Variants in CHST8 observed in about 807,000 individuals in gnomAD.
The protein encoded by CHST8 is GALNAC-4-ST1.
In CHST8, 10 loss-of-function variants were observed where a neutral mutation model predicts 15.0. The observed-to-expected ratio is 0.67, with a 90% confidence interval of 0.41 to 1.13. The LOEUF (loss-of-function observed/expected upper bound fraction) is 1.13, where lower values mean the gene tolerates loss of function less well. Ranked by LOEUF, CHST8 falls within the 50% of genes most tolerant of loss-of-function variation. The pLI is 0.00. For missense variants in CHST8, 634 were observed against 608.2 expected (o/e 1.04, Z -0.45); for synonymous variants, 259 against 256.6 (o/e 1.01, Z -0.09).
At position 33,771,438 on chromosome 19, in the gene CHST8, G is replaced by A. The variant is rs1224366068; in HGVS notation, c.156G>A (p.Arg52=). The A allele has an allele frequency of 6.2e-7, 1 of 1,614,120 alleles. No homozygotes were observed. Among genetic ancestry groups the A allele is most frequent in the Non-Finnish European group, 8.5e-7 (1 of 1,180,014 alleles). ...VPGIKFNIRP[R]QPHHDLPPGG... ...GAATAAAGTTCAACATCAGGCCAAG[G>A]CAGCCCCACCACGTAAGTTCTGAGA... Residue 52 remains arginine, a synonymous_variant, in exon 4 of 5, where the codon AGG becomes AGA. Coordinates refer to ENST00000650847, the MANE Select transcript of CHST8 (RefSeq NM_001127895.2).
At position 33,689,229 on chromosome 19, in the gene CHST8, A is replaced by T. The variant is rs1223125805; in HGVS notation, c.-33A>T. On this transcript the variant is annotated 5_prime_UTR_variant, in exon 3 of 5. Transcript: ENST00000650847. Reference sequence around the variant, plus strand: ...ACGATGAGGGAAGAACGTGCCCCCCACACCCAAGAGGTGACCCCTGAGCCA... The same window carrying T: ...ACGATGAGGGAAGAACGTGCCCCCCTCACCCAAGAGGTGACCCCTGAGCCA... The T allele has an allele frequency of 1.3e-6, 2 of 1,513,354 alleles. No individual in the cohort carries two copies. Among genetic ancestry groups the T allele is most frequent in the East Asian group, 2.5e-5 (1 of 40,698 alleles). 93.7% of individuals were successfully genotyped at this position (1,513,354 alleles called of 1,614,324 possible). A position where few individuals can be genotyped will look rare whatever the true frequency, so the allele number is the denominator to read the frequency against.
Position 33,772,033 on chromosome 19 carries a change from G to C in CHST8, c.245G>C (p.Gly82Ala). ...TERVTRDLSS[G>A]APRGRNLPAP... ...AGGGTCACTCGGGACTTATCCAGTG[G>C]GGCCCCGAGGGGCCGCAACCTGCCA... is the stretch of plus-strand genomic sequence containing the variant. The change falls in exon 5 of 5, where the codon GGG becomes GCG. Residue 82 changes from glycine (G) to alanine (A), a missense_variant. Coordinates refer to ENST00000650847, the MANE Select transcript of CHST8 (RefSeq NM_001127895.2). 6.2e-7 allele frequency: 1 copy of C among 1,611,796 alleles called. No individual in the cohort carries two copies. The highest frequency in any genetic ancestry group is 8.5e-7 in the Non-Finnish European group (1 of 1,179,542).
Position 33,772,832 on chromosome 19 carries a change from C to G in CHST8, c.1044C>G (p.Phe348Leu), listed in dbSNP as rs1296287913. ...CLIDYDFVGK[F>L]ESMEDDANFF... The stretch of plus-strand genomic sequence containing the variant: ...TCGACTACGATTTCGTAGGCAAGTT[C>G]GAGAGCATGGAGGACGATGCCAACT... The change falls in exon 5 of 5, where the codon TTC (phenylalanine) becomes TTG (leucine). Residue 348 changes from phenylalanine (F) to leucine (L), a missense_variant. By Grantham distance (22) the Phe-to-Leu change is conservative (BLOSUM62 0). Coordinates refer to ENST00000650847, the MANE Select transcript of CHST8 (RefSeq NM_001127895.2). The G allele has an allele frequency of 3.1e-6, 5 of 1,613,556 alleles. No homozygotes were observed. Among genetic ancestry groups the G allele is most frequent in the Non-Finnish European group, 4.2e-6 (5 of 1,180,028 alleles).
At chr19:33,664,230 T>C (rs1972622865) in intron 1 of CHST8, among the ~76,000 whole-genome samples, 2 of 152,292 alleles carry the variant, frequency 1.3e-5, no homozygotes, top group Admixed American at 6.5e-5. Flanking sequence ...GATTTAGAAC[T>C]GGGAATCTAT....
chr19:33,702,765 G>A (rs765411491), intron 3 of CHST8, among the ~76,000 whole-genome samples: 6 of 152,248 alleles, frequency 3.9e-5, no homozygotes, highest in Non-Finnish European at 8.8e-5. Context: ...CAGGTCTCAG[G>A]TGTGGAGTGA....
rs572347621 is a variant in CHST8, at chr19:33,764,359, G to A, written c.131-7054G>A. On this transcript the variant is annotated intron_variant, in intron 3 of 4. Coordinates refer to ENST00000650847, the MANE Select transcript of CHST8 (RefSeq NM_001127895.2). ...CCCTGTCTTCAGAACATCCAGCTGG[G>A]CGTGGTGGCTCATGGCTGTAATCCC... Among the ~76,000 whole-genome samples, 7 of 152,240 alleles carry A rather than the reference G, an allele frequency of 4.6e-5. No homozygotes were observed. In the South Asian group the frequency reaches 1.5e-3, roughly 32 times the overall value.
chr19:33,726,569 T>A (rs1973904278), intron 3 of CHST8, among the ~76,000 whole-genome samples: 1 of 152,006 alleles, frequency 6.6e-6, no homozygotes, highest in African/African-American at 2.4e-5. Context: ...AGTGTGAGCA[T>A]CAGCTGGGAG....
At chr19:33,737,972 GA>G (rs951961929) in intron 3 of CHST8, among the ~76,000 whole-genome samples, 11 of 147,306 alleles carry the variant, frequency 7.5e-5, no homozygotes, top group Middle Eastern at 3.4e-3. Flanking sequence ...AAGACCAAAA[GA>G]AAAAAAAAAC....
At chr19:33,771,511 TG>T (rs1555726093) in intron 4 of CHST8, 61 bp downstream of exon 4, 7 of 1,543,152 alleles carry the variant, frequency 4.5e-6, no homozygotes, top group Admixed American at 3.3e-5. Context: ...TGGGGAGGGC[TG>T]GGAAGAAAAT....
In CHST8 at chr19:33,689,168, C is replaced by T; in HGVS notation, c.-86-8C>T. ...CTCGGTGATGACTATCCCTCCTCTG[C>T]CCCGTAGATCTCGGCCTGATGGACG... is the stretch of plus-strand genomic sequence containing the variant. On this transcript the variant is annotated splice_polypyrimidine_tract_variant and splice_region_variant and intron_variant, in intron 2 of 4. Transcript: ENST00000650847. The T allele has an allele frequency of 4.2e-6, 6 of 1,420,910 alleles. No individual in the cohort carries two copies. Among genetic ancestry groups the T allele is most frequent in the Non-Finnish European group, 5.6e-6 (6 of 1,078,560 alleles). The allele number at this position is 1,420,910 out of a possible 1,614,324, so 88.0% of individuals were successfully genotyped here.
intron 1 of CHST8, among the ~76,000 whole-genome samples, chr19:33,646,029 G>A (rs547563629): frequency 6.6e-6 from 1 of 152,306 alleles, no homozygotes; most frequent in South Asian, 2.1e-4. Flanking sequence ...TCAGGAGGCT[G>A]AGGTGGGAGG....
At chr19:33,659,809 T>C (rs765176572) in intron 1 of CHST8, among the ~76,000 whole-genome samples, 3 of 150,542 alleles carry the variant, frequency 2.0e-5, no homozygotes, top group Non-Finnish European at 4.4e-5. Flanking sequence ...AGACCCTGTT[T>C]AAAAAAAAAA....
At chr19:33,766,219 A>C (rs1206738782) in intron 3 of CHST8, among the ~76,000 whole-genome samples, 42 of 134,732 alleles carry the variant, frequency 3.1e-4, no homozygotes, top group African/African-American at 3.9e-4. Context: ...CTCCACCTCT[A>C]CCTCTCCCTT....
intron 3 of CHST8, among the ~76,000 whole-genome samples, chr19:33,757,474 GA>G (rs1280171707): frequency 7.2e-5 from 3 of 41,788 alleles, no homozygotes; most frequent in African/African-American, 2.0e-4. Flanking sequence ...AAGAAAGAAA[GA>G]AAGAAAGAAA....
intron 1 of CHST8, among the ~76,000 whole-genome samples, chr19:33,646,018 C>T (rs1972351252): frequency 6.6e-6 from 1 of 152,090 alleles, no homozygotes; most frequent in Non-Finnish European, 1.5e-5. Context: ...GTCTCAGCTA[C>T]TCAGGAGGCT....
At chr19:33,651,678 T>C (rs1972451040) in intron 1 of CHST8, among the ~76,000 whole-genome samples, 1 of 152,178 alleles carries the variant, frequency 6.6e-6, no homozygotes, top group African/African-American at 2.4e-5. Flanking sequence ...TTCAAGAGCA[T>C]TTTTTTCTCT....
chr19:33,655,952 G>T (rs1972505611), intron 1 of CHST8, among the ~76,000 whole-genome samples: 1 of 151,968 alleles, frequency 6.6e-6, no homozygotes, highest in Non-Finnish European at 1.5e-5. Flanking sequence ...TTTTTAAGTT[G>T]AACATCTGTC....
intron 3 of CHST8, among the ~76,000 whole-genome samples, chr19:33,696,122 G>A (rs906908110): frequency 2.6e-5 from 4 of 151,908 alleles, no homozygotes; most frequent in East Asian, 3.9e-4. Context: ...CACCGCACCC[G>A]GTCACCACAT....
chr19:33,682,739 T>A (rs1972911390), intron 2 of CHST8, among the ~76,000 whole-genome samples: 1 of 152,262 alleles, frequency 6.6e-6, no homozygotes, highest in Non-Finnish European at 1.5e-5. Context: ...TATCATTGAC[T>A]TTTTGATTGA....
Sources: allele counts gnomAD v4.1 joint callset (sites outside exome capture counted in the v4.1 genomes callset), GRCh38; gene constraint gnomAD v4.1.1; transcripts MANE v1.5; gene names NCBI Gene and HGNC (gene_info 2026-07-23, HGNC 2026-07-21).